The following DLG2 variants were observed in gnomAD, a reference collection of about 807,000 sequenced individuals.
The protein encoded by DLG2 is disks large homolog 2.
A neutral mutation model predicts 132.5 loss-of-function variants in DLG2; 45 were observed. The ratio of observed to expected loss-of-function variants is 0.34; its 90% CI spans 0.27 to 0.44. The LOEUF (loss-of-function observed/expected upper bound fraction) is 0.44, where lower values mean the gene tolerates loss of function less well. Ranked by LOEUF, DLG2 falls within the 20% of genes least tolerant of loss-of-function variation. The probability of loss-of-function intolerance (pLI) is 1.00; values close to 1 mark genes in which losing one functional copy is unlikely to be tolerated. For missense variants in DLG2, 1,045 were observed against 1,196.9 expected, an observed-to-expected ratio of 0.87 and a Z score of 1.87; for synonymous variants, 424 against 419.6, an observed-to-expected ratio of 1.01 and a Z score of -0.13.
intron 5 of DLG2, chr11:85,133,002 T>C (rs894335101): frequency 1.5e-5 from 5 of 341,714 alleles, no homozygotes; most frequent in Non-Finnish European, 2.3e-5. Context: ...CACCAGAAAA[T>C]CCCCTAGAAA....
chr11:83,477,742 G>A (rs370608272), intron 22 of DLG2, among the ~76,000 whole-genome samples: 1 of 150,886 alleles, frequency 6.6e-6, no homozygotes, highest in Non-Finnish European at 1.5e-5. Context: ...GAAAAGAGGG[G>A]TTTTTTTTTG....
chr11:84,492,733 T>C (rs2099168593), intron 7 of DLG2, among the ~76,000 whole-genome samples: 1 of 152,162 alleles, frequency 6.6e-6, no homozygotes, highest in African/African-American at 2.4e-5. Context: ...CCATCATTAT[T>C]ATTATGTCAT....
chr11:84,472,645 T>G (rs2154490737), intron 7 of DLG2, among the ~76,000 whole-genome samples: 1 of 152,030 alleles, frequency 6.6e-6, no homozygotes, highest in South Asian at 2.1e-4. Flanking sequence ...TCACCTAATG[T>G]TCATACTTAA....
chr11:84,148,877 T>A (rs894948656), intron 9 of DLG2, among the ~76,000 whole-genome samples: 1 of 152,104 alleles, frequency 6.6e-6, no homozygotes, highest in Non-Finnish European at 1.5e-5. Context: ...CCTACCAACA[T>A]CTATTATTTT....
At chr11:85,111,466 A>T (rs563663191) in intron 6 of DLG2, among the ~76,000 whole-genome samples, 195 bp downstream of exon 6, 1 of 152,124 alleles carries the variant, frequency 6.6e-6, no homozygotes. Context: ...CCTGACTCCA[A>T]CAAAATGCAT....
intron 6 of DLG2, among the ~76,000 whole-genome samples, chr11:84,569,409 T>G (rs1337021018): frequency 6.6e-6 from 1 of 152,018 alleles, no homozygotes; most frequent in African/African-American, 2.4e-5. Flanking sequence ...AATGGAGATA[T>G]ATAAATGACT....
intron 8 of DLG2, among the ~76,000 whole-genome samples, chr11:84,205,353 T>C (rs1323101195): frequency 1.3e-5 from 2 of 152,076 alleles, no homozygotes; most frequent in Non-Finnish European, 2.9e-5. Flanking sequence ...AAAGTAAGAA[T>C]ATAAAAGATT....
chr11:85,455,255 A>C (rs1209279645), intron 3 of DLG2, among the ~76,000 whole-genome samples: 1 of 152,074 alleles, frequency 6.6e-6, no homozygotes, highest in Non-Finnish European at 1.5e-5. Context: ...AGTTAGCTAC[A>C]TTCCTAGGTA....
chr11:84,136,562 A>G (rs897382314), intron 9 of DLG2, among the ~76,000 whole-genome samples: 1 of 152,148 alleles, frequency 6.6e-6, no homozygotes, highest in Non-Finnish European at 1.5e-5. Context: ...ATGGTTTCAT[A>G]GACTCGAGAA....
At chr11:85,499,929 T>C (rs1037129455) in intron 3 of DLG2, among the ~76,000 whole-genome samples, 2 of 152,176 alleles carry the variant, frequency 1.3e-5, no homozygotes, top group African/African-American at 4.8e-5. Context: ...ATAAACTAGG[T>C]ATCAATGGAA....
chr11:84,376,718 A>G lies in DLG2; in HGVS notation c.520-125427T>C, dbSNP rs1600961246. Among the ~76,000 whole-genome samples the G allele has an allele frequency of 2.0e-5, 3 of 152,000 alleles. 1 individual carries two copies. The South Asian group carries it at 6.2e-4, about 32-fold the overall frequency. ...CAAAAACCTAATGGAAAATTAAAAAAAAAACAACTCATTTCAGCACAGGAG... is the reference window on the plus strand; with the variant it reads ...CAAAAACCTAATGGAAAATTAAAAAGAAAACAACTCATTTCAGCACAGGAG... On this transcript the variant is annotated intron_variant, in intron 7 of 27. Transcript: ENST00000376104.
intron 7 of DLG2, among the ~76,000 whole-genome samples, chr11:84,496,477 T>G (rs2099184350): frequency 6.6e-6 from 1 of 152,122 alleles, no homozygotes; most frequent in South Asian, 2.1e-4. Context: ...GATCATAACT[T>G]TTATGGTGTG....
At chr11:84,867,153 G>C (rs777881207) in intron 6 of DLG2, among the ~76,000 whole-genome samples, 1 of 152,148 alleles carries the variant, frequency 6.6e-6, no homozygotes, top group Non-Finnish European at 1.5e-5. Context: ...AGTCATTTCC[G>C]GCCCTCAAGG....
chr11:84,821,599 A>G (rs1474675788), intron 6 of DLG2, among the ~76,000 whole-genome samples: 2 of 147,222 alleles, frequency 1.4e-5, no homozygotes, highest in Non-Finnish European at 3.0e-5. Flanking sequence ...TCCTATGTAT[A>G]GTTTGCTCAC....
chr11:84,415,097 T>C (rs998059296), intron 7 of DLG2, among the ~76,000 whole-genome samples: 2 of 152,220 alleles, frequency 1.3e-5, no homozygotes, highest in African/African-American at 4.8e-5. Flanking sequence ...ATGTGCACTA[T>C]TATTCCCCTA....
At position 83,961,227 on chromosome 11, in the gene DLG2, G is replaced by A. The variant is rs556830094; in HGVS notation, c.1340+1658C>T. Among the ~76,000 whole-genome samples, 9 of 152,104 alleles carry A rather than the reference G, an allele frequency of 5.9e-5. No homozygotes were observed. The South Asian group carries it at 8.3e-4, about 14-fold the overall frequency. On this transcript the variant is annotated intron_variant, in intron 14 of 27. Coordinates refer to ENST00000376104, the MANE Select transcript of DLG2 (RefSeq NM_001142699.3). The stretch of plus-strand genomic sequence containing the variant: ...ATTCCCTTGTACAGGTGAGAAAACT[G>A]AAGCTTGCAGAGGTTAAATGACTTG...
At chr11:84,997,930 T>C (rs185038645) in intron 6 of DLG2, among the ~76,000 whole-genome samples, 31 of 152,284 alleles carry the variant, frequency 2.0e-4, no homozygotes, top group Middle Eastern at 3.4e-3. Context: ...GAAGTCCAAA[T>C]CCAGTTGCTG....
chr11:84,440,110 CT>C (rs754763471), intron 7 of DLG2, among the ~76,000 whole-genome samples: 5 of 151,972 alleles, frequency 3.3e-5, no homozygotes, highest in Admixed American at 1.3e-4. Flanking sequence ...CTTTAGTGAC[CT>C]TTTTTACACA....
intron 3 of DLG2, among the ~76,000 whole-genome samples, chr11:85,534,170 A>G (rs1465798490): frequency 2.0e-5 from 3 of 151,956 alleles, no homozygotes; most frequent in Non-Finnish European, 4.4e-5. Context: ...GTCTGTCTCT[A>G]ACTCCTGGAC....
Sources: gnomAD v4.1 joint callset for allele counts (sites outside exome capture counted in the v4.1 genomes callset) on GRCh38, gnomAD v4.1.1 for gene constraint, MANE v1.5 for transcripts, NCBI Gene and HGNC (gene_info 2026-07-23, HGNC 2026-07-21) for gene names.